ZC3H12B: variants seen among roughly 807,000 people sequenced by gnomAD.
ZC3H12B encodes zinc finger CCCH-type containing 12B, also known as probable ribonuclease ZC3H12B.
A neutral mutation model predicts 43.9 loss-of-function variants in ZC3H12B; 7 were observed. The observed-to-expected ratio is 0.16, with a 90% CI of 0.09 to 0.30. The LOEUF is 0.30. Among genes scored for constraint, ZC3H12B ranks in the 10% least tolerant of loss-of-function variants. The pLI, the probability that ZC3H12B is intolerant of heterozygous loss-of-function variation, is 1.00. For synonymous variants in ZC3H12B, 222 were observed against 241.7 expected (o/e 0.92, Z 0.76); for missense variants, 475 against 670.2 (o/e 0.71, Z 3.22).
At chrX:65,128,777 A>T in the ZC3H12B span, among the ~76,000 whole-genome samples, 1 of 111,604 alleles carries the variant, frequency 9.0e-6, no homozygotes, top group Admixed American at 9.5e-5. Flanking sequence ...TTACTGGTGA[A>T]TTGGCCTTTT....
At chrX:65,422,446 A>G (rs933642237) in intron 3 of ZC3H12B, among the ~76,000 whole-genome samples, 5 of 112,365 alleles carry the variant, frequency 4.4e-5, no homozygotes, top group Admixed American at 9.4e-5. Context: ...TCCCAAATTG[A>G]CAAAGGTGTG....
chrX:65,180,751 A>G, the ZC3H12B span, among the ~76,000 whole-genome samples: 3 of 111,623 alleles, frequency 2.7e-5, 1 homozygote, highest in South Asian at 1.1e-3. Flanking sequence ...ACACTGCTCA[A>G]GGAAATAAGA....
chrX:65,373,878 G>T (rs2066282999), intron 2 of ZC3H12B, among the ~76,000 whole-genome samples: 1 of 13,355 alleles, frequency 7.5e-5, no homozygotes, highest in Non-Finnish European at 2.4e-4. Context: ...ATGTACCCTA[G>T]AACTTAAAGT....
chrX:65,159,797 A>G, the ZC3H12B span, among the ~76,000 whole-genome samples: 3 of 111,727 alleles, frequency 2.7e-5, no homozygotes, highest in Non-Finnish European at 3.8e-5. Flanking sequence ...TTCCAACACT[A>G]TGTGGAAGAG....
chrX:65,231,579 C>G, the ZC3H12B span, among the ~76,000 whole-genome samples: 2 of 111,122 alleles, frequency 1.8e-5, no homozygotes, highest in African/African-American at 6.5e-5. Flanking sequence ...GAATGCATTC[C>G]TTCTCCAGGG....
chrX:65,151,514 C>A, the ZC3H12B span, among the ~76,000 whole-genome samples: 5 of 111,751 alleles, frequency 4.5e-5, no homozygotes, highest in Admixed American at 2.9e-4. Flanking sequence ...GAAGCTTTCC[C>A]TGTAAATTTT....
chrX:65,311,659 A>T, the ZC3H12B span, among the ~76,000 whole-genome samples: 2 of 111,873 alleles, frequency 1.8e-5, no homozygotes, highest in Non-Finnish European at 3.8e-5. Flanking sequence ...TACCCAAAGG[A>T]TTATAAATCA....
At chrX:65,268,625 A>C in the ZC3H12B span, among the ~76,000 whole-genome samples, 2 of 112,774 alleles carry the variant, frequency 1.8e-5, no homozygotes, top group Non-Finnish European at 3.8e-5. Flanking sequence ...AATGTGATAC[A>C]TTACATTCAC....
chrX:65,329,597 TG>T, the ZC3H12B span, among the ~76,000 whole-genome samples: 2 of 109,094 alleles, frequency 1.8e-5, no homozygotes, highest in African/African-American at 7.1e-5. Context: ...CCATTGCTTT[TG>T]GTGTTTTAGA....
rs111853414 is a variant in ZC3H12B at position 65,452,841 on chromosome X, A to AACACAC, written n.408-35772_408-35767dup. On this transcript the variant is annotated intron_variant and non_coding_transcript_variant, in intron 3 of 5. Transcript: ENST00000617377. ...GGGCAACAGAGTGAGACTCCATCTA[A>AACACAC]ACACACACACACACACACACACACA... Among the ~76,000 whole-genome samples the AACACAC allele has an allele frequency of 3.9e-3, 364 of 92,251 alleles. 1 individual carries two copies. The highest frequency in any genetic ancestry group is 0.015 in the South Asian group (29 of 1,977). The allele number at this position is 92,251 out of a possible 115,157, so 80.1% of individuals were successfully genotyped here.
chrX:65,211,913 A>C, the ZC3H12B span, among the ~76,000 whole-genome samples: 2 of 74,291 alleles, frequency 2.7e-5, no homozygotes, highest in South Asian at 1.4e-3. Flanking sequence ...TATGTTATGT[A>C]TACTATATAA....
At chrX:65,163,891 C>T in the ZC3H12B span, among the ~76,000 whole-genome samples, 158 of 112,076 alleles carry the variant, frequency 1.4e-3, 1 homozygote, top group African/African-American at 5.0e-3. Flanking sequence ...TAGACCGTCG[C>T]TGTTCCTATT....
At chrX:65,160,684 A>T in the ZC3H12B span, among the ~76,000 whole-genome samples, 1 of 110,398 alleles carries the variant, frequency 9.1e-6, no homozygotes, top group Non-Finnish European at 1.9e-5. Flanking sequence ...ATGGTGTATC[A>T]ATTTTGTTGA....
the ZC3H12B span, among the ~76,000 whole-genome samples, chrX:65,068,009 C>T: frequency 1.8e-5 from 2 of 109,668 alleles, no homozygotes; most frequent in African/African-American, 6.6e-5. Flanking sequence ...CATTCAGTGG[C>T]CTTGTTTAAT....
At chrX:65,210,960 A>G in the ZC3H12B span, among the ~76,000 whole-genome samples, 28 of 59,074 alleles carry the variant, frequency 4.7e-4, no homozygotes, top group Non-Finnish European at 7.8e-4. Context: ...TGGGAGATAT[A>G]CCTAATGCTA....
the ZC3H12B span, among the ~76,000 whole-genome samples, chrX:65,136,291 A>G: frequency 9.0e-6 from 1 of 111,326 alleles, no homozygotes; most frequent in Admixed American, 9.6e-5. Context: ...GGGGAGGGCC[A>G]TTCATGACTC....
chrX:65,057,627 C>A, the ZC3H12B span, among the ~76,000 whole-genome samples: 1 of 111,586 alleles, frequency 9.0e-6, no homozygotes, highest in Admixed American at 9.5e-5. Context: ...TGAATGTTGG[C>A]CTGCCTTGCT....
chrX:65,408,990 G>C (rs1365844691), intron 3 of ZC3H12B, among the ~76,000 whole-genome samples: 1 of 112,226 alleles, frequency 8.9e-6, no homozygotes, highest in Non-Finnish European at 1.9e-5. Flanking sequence ...GTTGTTAAAT[G>C]GGGTGAAATA....
Position 65,450,040 on chromosome X carries a change from C to G in ZC3H12B, n.408-38606C>G, listed in dbSNP as rs139833559. ...TATATTTTTAGGCTGGGCGTGGTAA[C>G]TCACGCCTGTAATCCCAACACTTTG... On this transcript the variant is annotated intron_variant and non_coding_transcript_variant, in intron 3 of 5. Transcript: ENST00000617377. Among the ~76,000 whole-genome samples, 346 of 109,407 alleles carry G rather than the reference C, an allele frequency of 3.2e-3. 3 individuals carry two copies. Among genetic ancestry groups the G allele is most frequent in the African/African-American group, 0.01 (314 of 30,042 alleles).
Sources: gnomAD v4.1 joint callset for allele counts (sites outside exome capture counted in the v4.1 genomes callset) on GRCh38, gnomAD v4.1.1 for gene constraint, MANE v1.5 for transcripts, NCBI Gene and HGNC (gene_info 2026-07-23, HGNC 2026-07-21) for gene names.